Variants in LRP12 observed in about 807,000 individuals in gnomAD.
The protein encoded by LRP12 is LDL receptor related protein 12, also known as low-density lipoprotein receptor-related protein 12.
A neutral mutation model predicts 66.0 loss-of-function variants in LRP12; 14 were observed. The observed-to-expected ratio is 0.21, with a 90% confidence interval of 0.14 to 0.33. The LOEUF is 0.33. Ranked by LOEUF, LRP12 falls within the 10% of genes least tolerant of loss-of-function variation. The pLI, the probability that LRP12 is intolerant of heterozygous loss-of-function variation, is 1.00. For synonymous variants in LRP12, 357 were observed against 359.1 expected (o/e 0.99, Z 0.07); for missense variants, 889 against 1,053.4 (o/e 0.84, Z 2.16).
chr8:104,562,326 TCTA>T (rs1811925134), intron 1 of LRP12, among the ~76,000 whole-genome samples: 1 of 152,152 alleles, frequency 6.6e-6, no homozygotes, highest in African/African-American at 2.4e-5. Context: ...ACCTAGTAAT[TCTA>T]CTTTTATAAA....
intron 1 of LRP12, among the ~76,000 whole-genome samples, chr8:104,535,039 AG>A (rs1387695981): frequency 6.6e-6 from 1 of 151,684 alleles, no homozygotes; most frequent in Non-Finnish European, 1.5e-5. Flanking sequence ...AAAAAAAAAA[AG>A]TCTGATAAAA....
At chr8:104,538,526 A>G (rs1490154036) in intron 1 of LRP12, among the ~76,000 whole-genome samples, 3 of 152,104 alleles carry the variant, frequency 2.0e-5, no homozygotes. Flanking sequence ...AGCAGAAGTA[A>G]TTCTTTTAAA....
rs148973929 is a variant in LRP12, at chr8:104,509,488, C to T, written c.137-414G>A. On this transcript the variant is annotated intron_variant, in intron 2 of 6. Transcript: ENST00000276654. ...ATCTTCCCTTTGTCCAGTGTATCCA[C>T]GCTGTGTATGCTACCCACCCATTAG... Among the ~76,000 whole-genome samples, 65 of 152,328 alleles carry T rather than the reference C, an allele frequency of 4.3e-4. 1 individual carries two copies. Among genetic ancestry groups the T allele is most frequent in the African/African-American group, 1.3e-3 (54 of 41,590 alleles).
rs146897880 is a variant in LRP12, at chr8:104,588,964, A to ACGCCGC, written c.-68_-67insGCGGCG. 5,757 of 905,402 alleles carry ACGCCGC rather than the reference A, an allele frequency of 6.4e-3. 133 individuals are homozygous for ACGCCGC. Among genetic ancestry groups the ACGCCGC allele is most frequent in the African/African-American group, 0.019 (695 of 36,506 alleles). 56.1% of individuals were successfully genotyped at this position (905,402 alleles called of 1,614,324 possible). On this transcript the variant is annotated 5_prime_UTR_variant, in exon 1 of 7. Coordinates refer to ENST00000276654, the MANE Select transcript of LRP12 (RefSeq NM_013437.5). ...AGGGAGGAGAAGCTGGAGGTAGACG[A>ACGCCGC]CGCCGACGCCGCCGCCGCCGCCGCC...
At position 104,588,906 on chromosome 8, in the gene LRP12, C is replaced by T. The variant is rs377067346; in HGVS notation, c.-9G>A. ...CTCCAGCGACAGGCCATAACCACAG[C>T]AGATGGAGAGAGAGAGGAGGAGACG... On this transcript the variant is annotated 5_prime_UTR_variant, in exon 1 of 7. Transcript: ENST00000276654. 9 of 1,601,808 alleles carry T rather than the reference C, an allele frequency of 5.6e-6. No individual in the cohort carries two copies. The highest frequency in any genetic ancestry group is 1.1e-5 in the South Asian group (1 of 89,050).
intron 2 of LRP12, among the ~76,000 whole-genome samples, chr8:104,510,062 C>T (rs899359430): frequency 6.6e-6 from 1 of 152,188 alleles, no homozygotes; most frequent in Non-Finnish European, 1.5e-5. Flanking sequence ...TATCCATCCA[C>T]CCATCTTTTT....
At chr8:104,541,587 C>G (rs1210007365) in intron 1 of LRP12, among the ~76,000 whole-genome samples, 1 of 152,164 alleles carries the variant, frequency 6.6e-6, no homozygotes, top group East Asian at 1.9e-4. Context: ...ACAACCATCA[C>G]CACCACCATC....
At chr8:104,568,533 G>A (rs953777252) in intron 1 of LRP12, among the ~76,000 whole-genome samples, 6 of 151,980 alleles carry the variant, frequency 3.9e-5, no homozygotes, top group East Asian at 1.9e-4. Flanking sequence ...ATCAGATAAC[G>A]GGGTTAATAA....
At chr8:104,551,054 C>G (rs10429351) in intron 1 of LRP12, among the ~76,000 whole-genome samples, 3,635 of 152,182 alleles carry the variant, frequency 0.024, 108 homozygotes, top group African/African-American at 0.065. Flanking sequence ...TCTCTCCATC[C>G]CTTAAATTTT....
intron 1 of LRP12, 108 bp from the exon 2 acceptor site, chr8:104,532,071 G>C: frequency 1.6e-6 from 1 of 621,666 alleles, no homozygotes; most frequent in South Asian, 2.3e-5. Flanking sequence ...TTTTAATACA[G>C]AGAAGCTAAA....
At position 104,548,938 on chromosome 8, in the gene LRP12, A is replaced by AAAATAAATAAATAAATAAATAAAT. The variant is rs558517655; in HGVS notation, c.80-16999_80-16976dup. Reference sequence around the variant, plus strand: ...GGACAACAAGAGCAAAACTCCGTCAAAAATAAATAAATAAATAAATAAATA... The same window carrying AAAATAAATAAATAAATAAATAAAT: ...GGACAACAAGAGCAAAACTCCGTCAAAAATAAATAAATAAATAAATAAATAAATAAATAAATAAATAAATAAATA... On this transcript the variant is annotated intron_variant, in intron 1 of 6. Coordinates refer to ENST00000276654, the MANE Select transcript of LRP12 (RefSeq NM_013437.5). Among the ~76,000 whole-genome samples, 515 of 151,390 alleles carry AAAATAAATAAATAAATAAATAAAT rather than the reference A, an allele frequency of 3.4e-3. 4 individuals carry two copies. Among genetic ancestry groups the AAAATAAATAAATAAATAAATAAAT allele is most frequent in the African/African-American group, 0.012 (502 of 41,006 alleles).
chr8:104,545,468 G>T (rs573350578), intron 1 of LRP12, among the ~76,000 whole-genome samples: 6 of 152,192 alleles, frequency 3.9e-5, no homozygotes, highest in African/African-American at 1.4e-4. Flanking sequence ...TTTTATGAAG[G>T]TTTCTGATGT....
At chr8:104,530,032 T>C (rs556907900) in intron 2 of LRP12, among the ~76,000 whole-genome samples, 3 of 152,260 alleles carry the variant, frequency 2.0e-5, no homozygotes, top group African/African-American at 7.2e-5. Flanking sequence ...CAATCATTAC[T>C]TTATAAAATT....
intron 2 of LRP12, among the ~76,000 whole-genome samples, chr8:104,509,724 G>A (rs1447381823): frequency 6.6e-6 from 1 of 152,154 alleles, no homozygotes; most frequent in Non-Finnish European, 1.5e-5. Flanking sequence ...GTATGCTGAG[G>A]TGTCTGAGCT....
chr8:104,491,478 C>A lies in LRP12; in HGVS notation c.1775G>T (p.Arg592Met), dbSNP rs1286327379. 2 of 1,613,600 alleles carry A rather than the reference C, an allele frequency of 1.2e-6. No individual in the cohort carries two copies. Among genetic ancestry groups the A allele is most frequent in the Non-Finnish European group, 1.7e-6 (2 of 1,179,962 alleles). ...VRSQLGFTSVRLPMAGRSSNI... is the reference protein window; with the variant it reads ...VRSQLGFTSVMLPMAGRSSNI... Reference sequence around the variant, plus strand: ...GCTTGATCTGCCTGCCATAGGAAGCCTGACTGAAGTAAATCCAAGCTGAGA... The same window carrying A: ...GCTTGATCTGCCTGCCATAGGAAGCATGACTGAAGTAAATCCAAGCTGAGA... Residue 592 changes from arginine to methionine, a missense_variant, in exon 7 of 7, where the codon AGG (arginine) becomes ATG (methionine). Around this residue, in one of 3 missense-constraint regions of LRP12, gnomAD observed 800 missense variants for 964.5 expected, o/e 0.83. Coordinates refer to ENST00000276654, the MANE Select transcript of LRP12 (RefSeq NM_013437.5).
intron 1 of LRP12, among the ~76,000 whole-genome samples, chr8:104,583,989 A>G (rs1812293569): frequency 6.6e-6 from 1 of 152,050 alleles, no homozygotes; most frequent in Non-Finnish European, 1.5e-5. Context: ...TTGAAATAAT[A>G]TATTTATATA....
chr8:104,498,129 C>A, intron 4 of LRP12, 53 bp from the exon 5 acceptor site: 1 of 1,451,494 alleles, frequency 6.9e-7, no homozygotes, highest in Non-Finnish European at 9.3e-7. Flanking sequence ...AAATTATAAT[C>A]TTTAAAAGAC....
At chr8:104,569,876 A>C (rs572914551) in intron 1 of LRP12, among the ~76,000 whole-genome samples, 19 of 152,300 alleles carry the variant, frequency 1.2e-4, no homozygotes, top group African/African-American at 4.3e-4. Context: ...AATACTGTCC[A>C]TATTCACAGA....
intron 2 of LRP12, among the ~76,000 whole-genome samples, chr8:104,529,241 G>T (rs1811291053): frequency 6.6e-6 from 1 of 152,152 alleles, no homozygotes; most frequent in African/African-American, 2.4e-5. Context: ...AAGACAGTAA[G>T]AAGACACCCA....
Sources: gnomAD v4.1 joint callset for allele counts (sites outside exome capture counted in the v4.1 genomes callset) on GRCh38, gnomAD v4.1.1 for gene constraint, gnomAD v4.1.1 regional missense constraint, MANE v1.5 for transcripts, NCBI Gene and HGNC (gene_info 2026-07-23, HGNC 2026-07-21) for gene names.